The following HFM1 variants were observed in gnomAD, a reference collection of about 807,000 sequenced individuals.
The protein encoded by HFM1 is probable ATP-dependent DNA helicase HFM1.
A neutral mutation model predicts 192.1 loss-of-function variants in HFM1; 169 were observed. The observed-to-expected ratio is 0.88, with a 90% CI of 0.78 to 1.00. The LOEUF is 1.00. HFM1 is among the 50% of genes least tolerant of loss of function. The probability of loss-of-function intolerance (pLI) is 0.00; values close to 1 mark genes in which losing one functional copy is unlikely to be tolerated. For missense variants in HFM1, 1,661 were observed against 1,668.0 expected (o/e 1.00, Z 0.07); for synonymous variants, 525 against 537.8 (o/e 0.98, Z 0.33).
At chr1:91,276,057 T>C (rs956599885) in intron 32 of HFM1, among the ~76,000 whole-genome samples, 1 of 152,172 alleles carries the variant, frequency 6.6e-6, no homozygotes, top group Non-Finnish European at 1.5e-5. Context: ...AGAGTTTCTT[T>C]AAAGATCCCT....
At chr1:91,364,633 T>TATATATA (rs1491502536) in intron 13 of HFM1, among the ~76,000 whole-genome samples, 8 of 25,248 alleles carry the variant, frequency 3.2e-4, no homozygotes, top group Non-Finnish European at 5.3e-4. Flanking sequence ...TATATATATA[T>TATATATA]TTTTTTTTTT....
intron 30 of HFM1, among the ~76,000 whole-genome samples, chr1:91,285,844 C>T (rs1019421635): frequency 6.6e-6 from 1 of 152,216 alleles, no homozygotes; most frequent in African/African-American, 2.4e-5. Flanking sequence ...TCCCACTTCA[C>T]TCTGTCCTGG....
At chr1:91,403,971 T>C (rs980945642) in intron 1 of HFM1, among the ~76,000 whole-genome samples, 1 of 152,212 alleles carries the variant, frequency 6.6e-6, no homozygotes, top group African/African-American at 2.4e-5. Context: ...ACATACTCCT[T>C]ATTTTAAAAG....
chr1:91,407,528 A>G (rs1664851702), upstream of HFM1, among the ~76,000 whole-genome samples: 1 of 152,236 alleles, frequency 6.6e-6, no homozygotes. Context: ...TTATTCACTT[A>G]GCATAATGTT....
rs1195721617 is a variant in HFM1 at position 91,290,658 on chromosome 1, C to T, written c.3392-13596G>A. Among the ~76,000 whole-genome samples, 5 of 152,110 alleles carry T rather than the reference C, an allele frequency of 3.3e-5. No homozygotes were observed. The East Asian group carries it at 9.6e-4, about 29-fold the overall frequency. ...ACAGATCAACGAGACAGAAAGTCAA[C>T]AAGGATACCCAGGAATTGAACTCAG... On this transcript the variant is annotated intron_variant, in intron 30 of 38. Transcript: ENST00000370425.
intron 2 of HFM1, among the ~76,000 whole-genome samples, chr1:91,398,800 C>T (rs1440556709): frequency 2.6e-5 from 4 of 151,982 alleles, no homozygotes; most frequent in African/African-American, 4.8e-5. Flanking sequence ...TCAAGTGATT[C>T]TCATGCCTCA....
chr1:91,305,831 G>A (rs1022854071), intron 30 of HFM1, among the ~76,000 whole-genome samples: 6 of 151,972 alleles, frequency 3.9e-5, no homozygotes, highest in African/African-American at 1.5e-4. Context: ...GCCTCCCAAA[G>A]TTCTGGGATT....
At chr1:91,373,658 C>T (rs1460130796) in intron 13 of HFM1, among the ~76,000 whole-genome samples, 1 of 151,724 alleles carries the variant, frequency 6.6e-6, no homozygotes, top group Non-Finnish European at 1.5e-5. Flanking sequence ...CCCCCCGACC[C>T]CTACTCCTGC....
chr1:91,289,889 G>A (rs1410711125), intron 30 of HFM1, among the ~76,000 whole-genome samples: 1 of 152,020 alleles, frequency 6.6e-6, no homozygotes, highest in Non-Finnish European at 1.5e-5. Context: ...GGGAGAGGGA[G>A]AGGGTCAACA....
At chr1:91,317,020 T>G (rs1651333668) in intron 25 of HFM1, among the ~76,000 whole-genome samples, 1 of 152,198 alleles carries the variant, frequency 6.6e-6, no homozygotes, top group Non-Finnish European at 1.5e-5. Context: ...TTTCCTTACC[T>G]ATATAATCTG....
intron 13 of HFM1, among the ~76,000 whole-genome samples, chr1:91,369,998 G>T (rs1454047550): frequency 6.6e-6 from 1 of 152,114 alleles, no homozygotes; most frequent in Non-Finnish European, 1.5e-5. Flanking sequence ...TAGAAGAAAT[G>T]GATAAATTCC....
At position 91,287,089 on chromosome 1, in the gene HFM1, T is replaced by C. The variant is rs528800297; in HGVS notation, c.3392-10027A>G. Among the ~76,000 whole-genome samples the C allele has an allele frequency of 1.5e-4, 22 of 151,468 alleles. No individual in the cohort carries two copies. In the South Asian group the frequency reaches 2.5e-3, roughly 17 times the overall value. On this transcript the variant is annotated intron_variant, in intron 30 of 38. Transcript: ENST00000370425. Reference sequence around the variant, plus strand: ...GGCGGCAGCGAGGCTGGGGGAGGGGTGCCCGCCACTGCCCAGGATTGCTTA... The same window carrying C: ...GGCGGCAGCGAGGCTGGGGGAGGGGCGCCCGCCACTGCCCAGGATTGCTTA...
rs1313282993 is a variant in HFM1, at chr1:91,375,423, C to A, written c.1620G>T (p.Val540=). The A allele has an allele frequency of 2.5e-6, 4 of 1,612,990 alleles. No individual in the cohort carries two copies. The highest frequency in any genetic ancestry group is 3.4e-6 in the Non-Finnish European group (4 of 1,179,392). ...TLVFCATRKG[V]QQAASVLVKD... ...TCACAAGAACAGAAGCAGCCTGTTG[C>A]ACACCCTTCCTTGTTGCACAAAACT... Residue 540 remains valine, a synonymous_variant, in exon 13 of 39, where the codon GTG becomes GTT. Transcript: ENST00000370425.
chr1:91,377,696 T>G (rs927630785), intron 11 of HFM1: 1 of 281,428 alleles, frequency 3.6e-6, no homozygotes, highest in Admixed American at 5.5e-5. Context: ...CACCATACTT[T>G]GCTATACAAT....
chr1:91,404,147 G>A (rs1043724554), intron 1 of HFM1, among the ~76,000 whole-genome samples: 20 of 152,182 alleles, frequency 1.3e-4, no homozygotes, highest in African/African-American at 4.8e-4. Flanking sequence ...GCTCGGCCTG[G>A]GAAAGGACCA....
intron 30 of HFM1, among the ~76,000 whole-genome samples, chr1:91,309,968 T>C (rs1392574377): frequency 6.6e-6 from 1 of 151,980 alleles, no homozygotes; most frequent in Admixed American, 6.6e-5. Context: ...GGGTTTATTA[T>C]GTTTGGGACT....
At chr1:91,317,561 A>G (rs369524477) in intron 25 of HFM1, among the ~76,000 whole-genome samples, 9 of 152,210 alleles carry the variant, frequency 5.9e-5, no homozygotes, top group East Asian at 5.8e-4. Context: ...AAGACACGGA[A>G]CAGTATAAAA....
intron 20 of HFM1, among the ~76,000 whole-genome samples, chr1:91,333,081 C>T (rs901781273): frequency 6.6e-6 from 1 of 152,132 alleles, no homozygotes; most frequent in African/African-American, 2.4e-5. Flanking sequence ...ACTATATGAT[C>T]CAGCAATCCC....
chr1:91,371,136 G>A (rs1468652752), intron 13 of HFM1, among the ~76,000 whole-genome samples: 5 of 151,954 alleles, frequency 3.3e-5, no homozygotes, highest in African/African-American at 1.2e-4. Context: ...TGGGTAGGAA[G>A]AATCAATATC....
Sources: gnomAD v4.1 joint callset for allele counts (sites outside exome capture counted in the v4.1 genomes callset) on GRCh38, gnomAD v4.1.1 for gene constraint, MANE v1.5 for transcripts, NCBI Gene and HGNC (gene_info 2026-07-23, HGNC 2026-07-21) for gene names.